The following PITPNM3 variants were observed in gnomAD, a reference collection of about 807,000 sequenced individuals.
PITPNM3 encodes PITPNM family member 3.
A neutral mutation model predicts 102.0 loss-of-function variants in PITPNM3; 26 were observed. The ratio of observed to expected loss-of-function variants is 0.25; its 90% confidence interval spans 0.19 to 0.35. The LOEUF (loss-of-function observed/expected upper bound fraction) is 0.35. Ranked by LOEUF, PITPNM3 falls within the 10% of genes least tolerant of loss-of-function variation. The pLI is 1.00. For missense variants in PITPNM3, 1,083 were observed against 1,346.1 expected (o/e 0.80, Z 3.06); for synonymous variants, 578 against 558.6 (o/e 1.03, Z -0.49).
intron 4 of PITPNM3, among the ~76,000 whole-genome samples, chr17:6,497,074 C>G (rs1295360650): frequency 3.9e-5 from 6 of 152,194 alleles, no homozygotes; most frequent in Admixed American, 3.9e-4. Context: ...GTCTGCCACC[C>G]TGAGCTCATT....
rs1567670367 is a variant in PITPNM3, at chr17:6,482,038, CTG to C, written c.587+1477_587+1478del. 8.7e-3 allele frequency among the ~76,000 whole-genome samples: 654 copies of C among 74,802 alleles called. 35 individuals carry two copies. Among genetic ancestry groups the C allele is most frequent in the South Asian group, 0.011 (25 of 2,266 alleles). 49.1% of individuals were successfully genotyped at this position (74,802 alleles called of 152,430 possible). On this transcript the variant is annotated intron_variant, in intron 6 of 19. Transcript: ENST00000262483. ...TCTCTCTCTCTCTCTCTCTCTCTGT[CTG>C]TCTCTCTCTCTCTCTCTCTCTCTCT...
At chr17:6,464,873 C>G in intron 14 of PITPNM3, 102 bp from the exon 15 acceptor site, 1 of 1,089,400 alleles carries the variant, frequency 9.2e-7, no homozygotes, top group Non-Finnish European at 1.4e-6. Context: ...TATCAGCTTG[C>G]TGAATCATGT....
At position 6,459,701 on chromosome 17, in the gene PITPNM3, A is replaced by G. The variant is rs1351243892; in HGVS notation, c.2490+1672T>C. ...TGTGGCATCATCACCCCCAATGCAG[A>G]AGCTATATTGGTGAGCAGAACGGAC... On this transcript the variant is annotated intron_variant, in intron 18 of 19. Transcript: ENST00000262483. This position sits in a 1 kb window ranked among gnomAD's most constrained non-coding sequence, Gnocchi z 5.0. Among the ~76,000 whole-genome samples, 1 of 152,102 alleles carries G rather than the reference A, an allele frequency of 6.6e-6. No homozygotes were observed. The highest frequency in any genetic ancestry group is 1.5e-5 in the Non-Finnish European group (1 of 68,038).
At chr17:6,507,405 G>A (rs1411097682) in intron 3 of PITPNM3, among the ~76,000 whole-genome samples, 1 of 149,760 alleles carries the variant, frequency 6.7e-6, no homozygotes, top group Non-Finnish European at 1.5e-5. Flanking sequence ...CCAACATGGT[G>A]AAACCCCGTC....
In PITPNM3 at chr17:6,556,209, G is replaced by A. The variant is rs1301249793; in HGVS notation, c.22+176C>T. ...GACCGGGGGCGCAGGAAGGACGGGG[G>A]GCGCGCGGAGCCCCCTCTCCACGCG... is the stretch of plus-strand genomic sequence containing the variant. On this transcript the variant is annotated intron_variant, in intron 1 of 19. Transcript: ENST00000262483. The surrounding 1 kb of genome is among the most constrained non-coding windows in gnomAD (Gnocchi z 5.2). Among the ~76,000 whole-genome samples, 2 of 151,870 alleles carry A rather than the reference G, an allele frequency of 1.3e-5. No homozygotes were observed. Among genetic ancestry groups the A allele is most frequent in the African/African-American group, 2.4e-5 (1 of 41,396 alleles).
At chr17:6,540,203 G>A (rs1909656330) in intron 1 of PITPNM3, among the ~76,000 whole-genome samples, 1 of 152,174 alleles carries the variant, frequency 6.6e-6, no homozygotes, top group Admixed American at 6.5e-5. Flanking sequence ...GCATCAAAGG[G>A]GCCTCTCATT....
chr17:6,463,610 A>G, intron 17 of PITPNM3, 122 bp downstream of exon 17: 2 of 1,382,592 alleles, frequency 1.4e-6, no homozygotes, highest in Non-Finnish European at 9.8e-7. Context: ...AGGGCTTCTC[A>G]GCTCGCAGCC....
chr17:6,466,825 T>C (rs1335769918), intron 14 of PITPNM3, among the ~76,000 whole-genome samples: 1 of 152,072 alleles, frequency 6.6e-6, no homozygotes, highest in Non-Finnish European at 1.5e-5. Context: ...GCATTATTCA[T>C]AGTAGCCGAA....
chr17:6,508,356 T>C (rs1187471897), intron 3 of PITPNM3, among the ~76,000 whole-genome samples: 2 of 152,214 alleles, frequency 1.3e-5, no homozygotes, highest in Admixed American at 6.5e-5. Context: ...CTTCCATGCC[T>C]ATGCAATAAG....
intron 1 of PITPNM3, among the ~76,000 whole-genome samples, chr17:6,538,738 T>C (rs866319655): frequency 1.3e-5 from 2 of 152,348 alleles, no homozygotes; most frequent in African/African-American, 2.4e-5. Flanking sequence ...ATGAGAATCC[T>C]GGCAGAGACT....
chr17:6,520,119 A>G (rs537667635), intron 3 of PITPNM3, among the ~76,000 whole-genome samples: 47 of 152,334 alleles, frequency 3.1e-4, no homozygotes, highest in Non-Finnish European at 4.3e-4. Context: ...AAGATGTTCA[A>G]TCTCACTAGA....
chr17:6,511,721 C>T (rs1388207767), intron 3 of PITPNM3, among the ~76,000 whole-genome samples: 1 of 152,106 alleles, frequency 6.6e-6, no homozygotes, highest in Non-Finnish European at 1.5e-5. Context: ...CAGTGGCTCA[C>T]GCCTGTAGTC....
chr17:6,528,854 C>A (rs986709127), intron 2 of PITPNM3, among the ~76,000 whole-genome samples: 2 of 152,142 alleles, frequency 1.3e-5, no homozygotes, highest in Non-Finnish European at 2.9e-5. Flanking sequence ...GCAATATCTC[C>A]TTTTGGAGCC....
chr17:6,484,430 A>G (rs1905947056), intron 4 of PITPNM3, 138 bp from the exon 5 acceptor site: 1 of 843,876 alleles, frequency 1.2e-6, no homozygotes, highest in African/African-American at 1.7e-5. Context: ...GGAGCTAGGG[A>G]GAGTCACCCC....
In PITPNM3 at chr17:6,461,423, G is replaced by A. The variant is rs770510281; in HGVS notation, c.2440C>T (p.His814Tyr). The A allele has an allele frequency of 6.2e-7, 1 of 1,614,166 alleles. No individual in the cohort carries two copies. Among genetic ancestry groups the A allele is most frequent in the Non-Finnish European group, 8.5e-7 (1 of 1,180,046 alleles). Residue 814 changes from histidine (H) to tyrosine (Y), a missense_variant, in exon 18 of 20, where the codon CAT becomes TAT. By Grantham distance (83) the His-to-Tyr change is moderately conservative. Coordinates refer to ENST00000262483, the MANE Select transcript of PITPNM3 (RefSeq NM_031220.4). ...ATGGCCTTCTGCCGCAGCGGGTCAT[G>A]CACCAGCCCATCGGAGAAGAAGATC... ...GMIFFSDGLV[H>Y]DPLRQKAIFL... is the part of the protein sequence containing the mutation.
At chr17:6,540,560 C>T (rs558439636) in intron 1 of PITPNM3, among the ~76,000 whole-genome samples, 6 of 152,276 alleles carry the variant, frequency 3.9e-5, no homozygotes, top group Non-Finnish European at 5.9e-5. Context: ...TTTATTATTG[C>T]GGCTCTCTTT....
intron 3 of PITPNM3, among the ~76,000 whole-genome samples, chr17:6,511,531 GA>G (rs1907862983): frequency 6.6e-6 from 1 of 152,190 alleles, no homozygotes. Flanking sequence ...AGTGTAAAAT[GA>G]AAATGTGGGT....
intron 1 of PITPNM3, among the ~76,000 whole-genome samples, chr17:6,548,702 G>A (rs1464297064): frequency 6.6e-6 from 1 of 152,090 alleles, no homozygotes; most frequent in East Asian, 1.9e-4. Context: ...AGAGCTCACA[G>A]TCCCACATCC....
chr17:6,477,428 G>A (rs1905373972), intron 8 of PITPNM3, among the ~76,000 whole-genome samples: 1 of 152,162 alleles, frequency 6.6e-6, no homozygotes, highest in Admixed American at 6.5e-5. Context: ...ATTCCCACTG[G>A]GATGCTGGAT....
Sources: allele counts gnomAD v4.1 joint callset (sites outside exome capture counted in the v4.1 genomes callset), GRCh38; gene constraint gnomAD v4.1.1; non-coding constraint Gnocchi (gnomAD v3.1); transcripts MANE v1.5; gene names NCBI Gene and HGNC (gene_info 2026-07-23, HGNC 2026-07-21).